The following ANKRD17 variants were observed in gnomAD, a reference collection of about 807,000 sequenced individuals.
ANKRD17 encodes ankyrin repeat domain-containing protein 17.
A neutral mutation model predicts 229.7 loss-of-function variants in ANKRD17; 19 were observed. The observed-to-expected ratio is 0.08, with a 90% CI of 0.06 to 0.12. The LOEUF is 0.12. Among genes scored for constraint, ANKRD17 ranks in the 10% least tolerant of loss-of-function variants. The probability of loss-of-function intolerance (pLI) is 1.00; values close to 1 mark genes in which losing one functional copy is unlikely to be tolerated. For missense variants in ANKRD17, 2,176 were observed against 3,176.8 expected (o/e 0.68, Z 7.57); for synonymous variants, 1,112 against 1,146.1 (o/e 0.97, Z 0.60).
At chr4:73,132,186 C>T (rs1292050291) in intron 16 of ANKRD17, among the ~76,000 whole-genome samples, 1 of 151,456 alleles carries the variant, frequency 6.6e-6, no homozygotes, top group African/African-American at 2.4e-5. Context: ...GCTCACTGGC[C>T]AACACTCTGC....
At chr4:73,132,388 C>T (rs1005283718) in intron 16 of ANKRD17, among the ~76,000 whole-genome samples, 3 of 152,062 alleles carry the variant, frequency 2.0e-5, no homozygotes, top group African/African-American at 7.2e-5. Flanking sequence ...GCATTACAGG[C>T]GTGAGCCACC....
chr4:73,155,939 G>T, intron 4 of ANKRD17, 80 bp downstream of exon 4: 1 of 1,507,760 alleles, frequency 6.6e-7, no homozygotes, highest in South Asian at 1.4e-5. Flanking sequence ...ATGGTTGGAA[G>T]GATTTATTTT....
intron 8 of ANKRD17, 82 bp from the exon 9 acceptor site, chr4:73,147,514 C>G: frequency 8.7e-7 from 1 of 1,155,226 alleles, no homozygotes; most frequent in Non-Finnish European, 1.1e-6. Context: ...TCTTAATAAA[C>G]TGAATCTTTA....
chr4:73,163,698 G>C (rs1317887927), intron 2 of ANKRD17, among the ~76,000 whole-genome samples: 1 of 152,154 alleles, frequency 6.6e-6, no homozygotes, highest in Non-Finnish European at 1.5e-5. Flanking sequence ...AGAATAAAAA[G>C]GTTAGGGGTA....
At chr4:73,203,238 T>C (rs1738916254) in intron 1 of ANKRD17, among the ~76,000 whole-genome samples, 1 of 152,146 alleles carries the variant, frequency 6.6e-6, no homozygotes, top group South Asian at 2.1e-4. Context: ...CCTTTCCCAG[T>C]TTTCTGCCCC....
In ANKRD17 at chr4:73,090,761, T is replaced by C; in HGVS notation, c.6867A>G (p.Ser2289=). Residue 2289 remains serine (S), a synonymous_variant, in exon 29 of 34, where the codon TCA becomes TCG. Transcript: ENST00000358602. Reference sequence around the variant, plus strand: ...GTAAAGGATCTGAATTTGGCAAATATGAGGATTTTCCTGATAGCATAGATT... The same window carrying C: ...GTAAAGGATCTGAATTTGGCAAATACGAGGATTTTCCTGATAGCATAGATT... ...TPESMLSGKS[S]YLPNSDPLHQ... 1.2e-6 allele frequency: 2 copies of C among 1,614,140 alleles called. No individual in the cohort carries two copies. Among genetic ancestry groups the C allele is most frequent in the Non-Finnish European group, 1.7e-6 (2 of 1,180,024 alleles).
At chr4:73,196,726 T>C (rs888497548) in intron 1 of ANKRD17, among the ~76,000 whole-genome samples, 1 of 152,186 alleles carries the variant, frequency 6.6e-6, no homozygotes, top group Admixed American at 6.5e-5. Context: ...TACAGTGTTA[T>C]TGGATGCTGA....
chr4:73,245,284 A>G (rs375878093), intron 1 of ANKRD17, among the ~76,000 whole-genome samples: 2 of 152,226 alleles, frequency 1.3e-5, no homozygotes, highest in Non-Finnish European at 2.9e-5. Flanking sequence ...TCAATTATTC[A>G]GTCAAATGCT....
At chr4:73,116,145 C>T (rs569754541) in intron 22 of ANKRD17, among the ~76,000 whole-genome samples, 1 of 148,766 alleles carries the variant, frequency 6.7e-6, no homozygotes, top group African/African-American at 2.5e-5. Context: ...AGCTAAAATT[C>T]TAAACAACTC....
rs998774990 is a variant in ANKRD17 at position 73,239,773 on chromosome 4, T to TA, written c.393+18502dup. ...CTGCAATTTTAAGATTCCTCCAATA[T>TA]AAAAAAATCAAATGGATAAATAAAA... On this transcript the variant is annotated intron_variant, in intron 1 of 33. Coordinates refer to ENST00000358602, the MANE Select transcript of ANKRD17 (RefSeq NM_032217.5). 2.0e-5 allele frequency among the ~76,000 whole-genome samples: 3 copies of TA among 152,148 alleles called. No homozygotes were observed. In the East Asian group the frequency reaches 5.8e-4, roughly 29 times the overall value.
intron 1 of ANKRD17, among the ~76,000 whole-genome samples, chr4:73,224,025 G>A (rs1318884229): frequency 6.6e-6 from 1 of 152,142 alleles, no homozygotes; most frequent in African/African-American, 2.4e-5. Flanking sequence ...GCTGAGGCGA[G>A]CAGATCATTT....
chr4:73,255,464 T>A (rs563952991), intron 1 of ANKRD17, among the ~76,000 whole-genome samples: 14 of 152,332 alleles, frequency 9.2e-5, no homozygotes, highest in African/African-American at 2.9e-4. Flanking sequence ...TACTTTTTTT[T>A]ATTGTGTAGC....
At chr4:73,078,587 C>A in intron 31 of ANKRD17, 55 bp downstream of exon 31, 1 of 1,553,144 alleles carries the variant, frequency 6.4e-7, no homozygotes, top group Non-Finnish European at 8.7e-7. Flanking sequence ...ATACTGTTTA[C>A]ATTATAGTTA....
chr4:73,177,355 A>C, intron 2 of ANKRD17, 25 bp downstream of exon 2: 1 of 1,489,916 alleles, frequency 6.7e-7, no homozygotes, highest in Non-Finnish European at 9.0e-7. Context: ...AACAAGGTAG[A>C]CTTATTACTA....
At chr4:73,145,923 A>G (rs746632433) in intron 10 of ANKRD17, among the ~76,000 whole-genome samples, 2 of 152,164 alleles carry the variant, frequency 1.3e-5, no homozygotes, top group Admixed American at 1.3e-4. Context: ...CTGCCTGCAC[A>G]TGAATTTGTC....
intron 1 of ANKRD17, among the ~76,000 whole-genome samples, chr4:73,221,563 T>C (rs1741858451): frequency 6.6e-6 from 1 of 152,214 alleles, no homozygotes; most frequent in African/African-American, 2.4e-5. Flanking sequence ...ACTAGAACTC[T>C]GTAATCTAAT....
chr4:73,155,780 TTA>T lies in ANKRD17; in HGVS notation c.853-4_853-3del. 1.9e-6 allele frequency: 3 copies of T among 1,612,518 alleles called. No individual in the cohort carries two copies. Among genetic ancestry groups the T allele is most frequent in the African/African-American group, 1.3e-5 (1 of 74,922 alleles). On this transcript the variant is annotated splice_region_variant and splice_polypyrimidine_tract_variant and intron_variant, in intron 4 of 33. Transcript: ENST00000358602. ...ATTTGCATGCATTGCCAACAAAACC[TTA>T]TGAGAGAAAAATAGTTTAAAAAGAT...
rs1741944782 is a variant in ANKRD17, at chr4:73,222,175, A to G, written c.393+36101T>C. Among the ~76,000 whole-genome samples the G allele has an allele frequency of 3.3e-5, 5 of 152,106 alleles. No homozygotes were observed. In the South Asian group the frequency reaches 1.0e-3, roughly 31 times the overall value. On this transcript the variant is annotated intron_variant, in intron 1 of 33. Transcript: ENST00000358602. Reference sequence around the variant, plus strand: ...AGAAAAACCCTACACAATCCCACAGATAAGAATATGAGATTTAAATACCTA... The same window carrying G: ...AGAAAAACCCTACACAATCCCACAGGTAAGAATATGAGATTTAAATACCTA...
At position 73,090,350 on chromosome 4, in the gene ANKRD17, C is replaced by A. The variant is rs192755276; in HGVS notation, c.6961+317G>T. The stretch of plus-strand genomic sequence containing the variant: ...ACTTGAATCTGGGAGGCAGAGGTTG[C>A]GGTGAGCTGAGATCATGCCACTGCA... On this transcript the variant is annotated intron_variant, in intron 29 of 33. Coordinates refer to ENST00000358602, the MANE Select transcript of ANKRD17 (RefSeq NM_032217.5). Among the ~76,000 whole-genome samples the A allele has an allele frequency of 3.3e-5, 5 of 152,200 alleles. 1 individual carries two copies. Among genetic ancestry groups the A allele is most frequent in the African/African-American group, 9.6e-5 (4 of 41,512 alleles).
Sources: allele counts gnomAD v4.1 joint callset (sites outside exome capture counted in the v4.1 genomes callset), GRCh38; gene constraint gnomAD v4.1.1; transcripts MANE v1.5; gene names NCBI Gene and HGNC (gene_info 2026-07-23, HGNC 2026-07-21).